The following IGLL5 variants were observed in gnomAD, a reference collection of about 807,000 sequenced individuals.
IGLL5 encodes the protein immunoglobulin lambda like polypeptide 5.
Under a neutral mutation model 20.9 loss-of-function variants are expected in IGLL5, and 30 were observed. The observed-to-expected ratio is 1.44, with a 90% CI of 1.07 to 1.95. The LOEUF (loss-of-function observed/expected upper bound fraction) is 1.95. IGLL5 is among the 30% of genes most tolerant of loss of function. IGLL5 has a pLI of 0.00. For missense variants in IGLL5, 475 were observed against 270.7 expected (o/e 1.75, Z -5.30); for synonymous variants, 203 against 117.3 (o/e 1.73, Z -4.72).
At chr22:22,894,405 A>T (rs575955900) in intron 2 of IGLL5, among the ~76,000 whole-genome samples, 1 of 151,462 alleles carries the variant, frequency 6.6e-6, no homozygotes, top group Non-Finnish European at 1.5e-5. Context: ...ACATGGGGAC[A>T]CAGAGGGACG....
intron 2 of IGLL5, among the ~76,000 whole-genome samples, chr22:22,894,305 C>G (rs1012442947): frequency 1.3e-5 from 2 of 151,370 alleles, no homozygotes; most frequent in African/African-American, 2.4e-5. Context: ...CCTGGTGACA[C>G]AGAGGTCACC....
chr22:22,894,391 G>T (rs2068025824), intron 2 of IGLL5, among the ~76,000 whole-genome samples: 1 of 151,392 alleles, frequency 6.6e-6, no homozygotes, highest in Admixed American at 6.6e-5. Context: ...GCTGGGTCAT[G>T]AGGACATGGG....
rs757656210 is a variant in IGLL5 at position 22,888,047 on chromosome 22, A to G, written c.-7A>G. On this transcript the variant is annotated 5_prime_UTR_variant, in exon 1 of 3. Transcript: ENST00000526893. ...CGGGCCAGAGGTGCCCCTGAACCTGAAGGCCAATGAGACCCAAGACAGGCC... is the reference window on the plus strand; with the variant it reads ...CGGGCCAGAGGTGCCCCTGAACCTGGAGGCCAATGAGACCCAAGACAGGCC... 1.9e-6 allele frequency: 3 copies of G among 1,548,730 alleles called. No individual in the cohort carries two copies. The highest frequency in any genetic ancestry group is 1.4e-5 in the African/African-American group (1 of 72,894).
intron 2 of IGLL5, among the ~76,000 whole-genome samples, chr22:22,894,585 C>G (rs189091647): frequency 6.6e-6 from 1 of 151,422 alleles, no homozygotes; most frequent in Non-Finnish European, 1.5e-5. Flanking sequence ...GCATGTTAGA[C>G]TCAGGAAATG....
chr22:22,889,347 TA>T, intron 1 of IGLL5, among the ~76,000 whole-genome samples: 1 of 151,048 alleles, frequency 6.6e-6, no homozygotes, highest in African/African-American at 2.4e-5. Context: ...CTATGGGCAT[TA>T]AAAATGTATA....
chr22:22,894,366 A>G (rs1195837124), intron 2 of IGLL5, among the ~76,000 whole-genome samples: 5 of 151,456 alleles, frequency 3.3e-5, no homozygotes, highest in Middle Eastern at 3.7e-3. Flanking sequence ...TCTAGGCTGC[A>G]GCTCTGTGGC....
intron 1 of IGLL5, among the ~76,000 whole-genome samples, chr22:22,892,948 T>C (rs1011777571): frequency 5.3e-5 from 8 of 150,374 alleles, no homozygotes; most frequent in Non-Finnish European, 7.4e-5. Context: ...TGCAGAGACA[T>C]AGGGGATGGG....
In IGLL5 at chr22:22,893,724, G is replaced by A; in HGVS notation, c.231G>A (p.Gln77=). The change falls in exon 2 of 3, where the codon CAG becomes CAA. Residue 77 remains glutamine (Q), a synonymous_variant. Transcript: ENST00000526893. ...GGCTCCTGCTCCAGCCCAGCCCCCA[G>A]AGAGCAGACCCCAGGTGCTGGCCCC... ...WGRLLLQPSP[Q]RADPRCWPRG... 1 of 1,608,730 alleles carries A rather than the reference G, an allele frequency of 6.2e-7. No homozygotes were observed. Among genetic ancestry groups the A allele is most frequent in the Non-Finnish European group, 8.5e-7 (1 of 1,177,734 alleles).
At chr22:22,888,664 CAG>C in intron 1 of IGLL5, among the ~76,000 whole-genome samples, 1 of 151,204 alleles carries the variant, frequency 6.6e-6, no homozygotes, top group East Asian at 2.0e-4. Flanking sequence ...GCCTCCTGCC[CAG>C]TGAGGGCAGG....
chr22:22,888,759 A>G (rs752597240), intron 1 of IGLL5, among the ~76,000 whole-genome samples: 13 of 151,248 alleles, frequency 8.6e-5, no homozygotes, highest in Admixed American at 3.3e-4. Flanking sequence ...ATAAATGCTT[A>G]CTGGGGCCAG....
chr22:22,894,737 AGGGTTCTGTGGTCGGGCTTGTGG>A, intron 2 of IGLL5, among the ~76,000 whole-genome samples: 1 of 151,126 alleles, frequency 6.6e-6, no homozygotes, highest in African/African-American at 2.4e-5. Flanking sequence ...GCTGAGGTGA[AGGGTTCTGTGGTCGGGCTTGTGG>A]AGACAGGAAA....
chr22:22,888,006 A>G lies in IGLL5; in HGVS notation c.-48A>G, dbSNP rs758702627. 1 of 1,447,856 alleles carries G rather than the reference A, an allele frequency of 6.9e-7. No individual in the cohort carries two copies. The highest frequency in any genetic ancestry group is 1.2e-5 in the South Asian group (1 of 81,906). The allele number at this position is 1,447,856 out of a possible 1,614,324, so 89.7% of individuals were successfully genotyped here. A position where few individuals can be genotyped will look rare whatever the true frequency, so the allele number is the denominator to read the frequency against. ...GGGACCAGGGCACCGTCCTCCAGGG[A>G]GCCCATGCTGCAAGTCGGGCCAGAG... On this transcript the variant is annotated 5_prime_UTR_variant, in exon 1 of 3. Coordinates refer to ENST00000526893, the MANE Select transcript of IGLL5 (RefSeq NM_001178126.2).
chr22:22,889,390 A>G (rs552943735), intron 1 of IGLL5, among the ~76,000 whole-genome samples: 2 of 151,238 alleles, frequency 1.3e-5, no homozygotes, highest in South Asian at 2.1e-4. Flanking sequence ...GAGTCAAAAA[A>G]CAAAGTGTGT....
At chr22:22,894,043 G>A (rs2146032868) in intron 2 of IGLL5, among the ~76,000 whole-genome samples, 1 of 150,852 alleles carries the variant, frequency 6.6e-6, no homozygotes, top group African/African-American at 2.5e-5. Context: ...GGCCTGAGCT[G>A]GGATTGGGCA....
intron 1 of IGLL5, among the ~76,000 whole-genome samples, chr22:22,890,061 A>T (rs570109933): frequency 1.3e-5 from 2 of 150,832 alleles, no homozygotes; most frequent in African/African-American, 2.4e-5. Flanking sequence ...ATTTCTTCTA[A>T]TATAATTTTT....
At chr22:22,893,928 G>A (rs2067950127) in intron 2 of IGLL5, 110 bp downstream of exon 2, 5 of 806,266 alleles carry the variant, frequency 6.2e-6, no homozygotes, top group African/African-American at 5.0e-5. Context: ...CTTAAGCACT[G>A]ACCCTTACCT....
chr22:22,888,820 T>C (rs192050660), intron 1 of IGLL5, among the ~76,000 whole-genome samples: 10 of 151,234 alleles, frequency 6.6e-5, no homozygotes, highest in East Asian at 6.1e-4. Flanking sequence ...TGTCCAGTCA[T>C]TGGAACAGGC....
At chr22:22,889,407 A>G (rs79580098) in intron 1 of IGLL5, among the ~76,000 whole-genome samples, 4 of 151,234 alleles carry the variant, frequency 2.6e-5, no homozygotes, top group East Asian at 2.0e-4. Flanking sequence ...GTGTTTATCT[A>G]AACTGGGCAA....
At position 22,895,647 on chromosome 22, in the gene IGLL5, G is replaced by A; in HGVS notation, c.598G>A (p.Glu200Lys). ...AAGCTACAGCTGCCAGGTCACGCAT[G>A]AAGGGAGCACCGTGGAGAAGACAGT... Reference protein sequence around the residue: ...HRSYSCQVTHEGSTVEKTVAP... With the variant: ...HRSYSCQVTHKGSTVEKTVAP... Residue 200 changes from glutamate (E) to lysine (K), a missense_variant, in exon 3 of 3, where the codon GAA becomes AAA. Transcript: ENST00000526893. The A allele has an allele frequency of 6.2e-7, 1 of 1,613,318 alleles. No homozygotes were observed. The highest frequency in any genetic ancestry group is 8.5e-7 in the Non-Finnish European group (1 of 1,179,770).
Sources: allele counts gnomAD v4.1 joint callset (sites outside exome capture counted in the v4.1 genomes callset), GRCh38; gene constraint gnomAD v4.1.1; transcripts MANE v1.5; gene names NCBI Gene and HGNC (gene_info 2026-07-23, HGNC 2026-07-21).